GPC5: variants seen among roughly 807,000 people sequenced by gnomAD.
The protein encoded by GPC5 is glypican-5.
Under a neutral mutation model 53.9 loss-of-function variants are expected in GPC5, and 47 were observed. The ratio of observed to expected loss-of-function variants is 0.87; its 90% CI spans 0.69 to 1.11. The LOEUF (loss-of-function observed/expected upper bound fraction) is 1.11, where lower values mean the gene tolerates loss of function less well. GPC5 is among the 50% of genes most tolerant of loss of function. The pLI is 0.00. For synonymous variants in GPC5, 286 were observed against 263.3 expected, an observed-to-expected ratio of 1.09 and a Z score of -0.84; for missense variants, 748 against 713.1, an observed-to-expected ratio of 1.05 and a Z score of -0.56.
intron 7 of GPC5, among the ~76,000 whole-genome samples, chr13:92,257,170 G>A (rs1012323871): frequency 3.3e-5 from 5 of 152,028 alleles, no homozygotes; most frequent in Admixed American, 6.6e-5. Context: ...GAAAAGAACC[G>A]AATCAAAGTC....
chr13:92,850,662 AG>A (rs1878764754), intron 7 of GPC5, among the ~76,000 whole-genome samples: 2 of 152,164 alleles, frequency 1.3e-5, no homozygotes, highest in Non-Finnish European at 2.9e-5. Context: ...GAGAGGTTAA[AG>A]AAGAAAGGTC....
intron 6 of GPC5, among the ~76,000 whole-genome samples, chr13:91,952,925 AG>A (rs747705324): frequency 1.3e-5 from 2 of 152,180 alleles, no homozygotes; most frequent in African/African-American, 2.4e-5. Context: ...TCTAAATGTC[AG>A]AATTTAGAGG....
intron 2 of GPC5, among the ~76,000 whole-genome samples, chr13:91,547,439 A>G (rs2030360867): frequency 6.6e-6 from 1 of 152,090 alleles, no homozygotes; most frequent in South Asian, 2.1e-4. Flanking sequence ...GACACATGAT[A>G]TTTATATGAA....
chr13:91,713,063 C>A (rs894087590), intron 3 of GPC5, among the ~76,000 whole-genome samples: 8 of 152,036 alleles, frequency 5.3e-5, no homozygotes, highest in African/African-American at 1.9e-4. Context: ...TGGAGGTGCA[C>A]ACCTATAATC....
chr13:92,276,742 A>G (rs1330134787), intron 7 of GPC5, among the ~76,000 whole-genome samples: 1 of 152,104 alleles, frequency 6.6e-6, no homozygotes, highest in Admixed American at 6.6e-5. Context: ...TTACTATACA[A>G]TATCCTAAGA....
chr13:92,341,104 C>G (rs1409938330), intron 7 of GPC5, among the ~76,000 whole-genome samples: 1 of 151,984 alleles, frequency 6.6e-6, no homozygotes, highest in Non-Finnish European at 1.5e-5. Flanking sequence ...ATTTTAGTTT[C>G]AGGAAAGTTT....
At chr13:92,321,731 G>C (rs561010979) in intron 7 of GPC5, among the ~76,000 whole-genome samples, 1 of 151,876 alleles carries the variant, frequency 6.6e-6, no homozygotes, top group Non-Finnish European at 1.5e-5. Context: ...TAAAAGTTAC[G>C]GTATACTGAT....
In GPC5 at chr13:92,183,263, T is replaced by C. The variant is rs375343311; in HGVS notation, c.1561+38274T>C. On this transcript the variant is annotated intron_variant, in intron 7 of 7. Transcript: ENST00000377067. ...AACCAAGAATGCCTGGCCAGTGTGG[T>C]AATAAGCTCTTACGAAGTATAAGCT... Among the ~76,000 whole-genome samples the C allele has an allele frequency of 1.3e-4, 20 of 152,326 alleles. No homozygotes were observed. The East Asian group carries it at 3.3e-3, about 25-fold the overall frequency.
chr13:92,475,780 C>T (rs574732490), intron 7 of GPC5, among the ~76,000 whole-genome samples: 2 of 152,240 alleles, frequency 1.3e-5, no homozygotes, highest in South Asian at 4.1e-4. Context: ...CTGAGAAACA[C>T]AAGCAATGGG....
At chr13:91,975,007 C>A (rs919471921) in intron 6 of GPC5, among the ~76,000 whole-genome samples, 3 of 152,150 alleles carry the variant, frequency 2.0e-5, no homozygotes, top group African/African-American at 7.2e-5. Context: ...CTGACAAAAA[C>A]AAGCAATGGG....
At chr13:92,725,629 T>C (rs1347780317) in intron 7 of GPC5, among the ~76,000 whole-genome samples, 1 of 151,588 alleles carries the variant, frequency 6.6e-6, no homozygotes, top group African/African-American at 2.4e-5. Context: ...AATGCAACTA[T>C]ATAAACAATG....
At chr13:92,619,738 G>A (rs932909544) in intron 7 of GPC5, among the ~76,000 whole-genome samples, 4 of 152,052 alleles carry the variant, frequency 2.6e-5, no homozygotes, top group African/African-American at 9.6e-5. Flanking sequence ...GACCAGGGTT[G>A]GTTGGTAGTC....
At chr13:92,849,749 A>T (rs754402082) in intron 7 of GPC5, among the ~76,000 whole-genome samples, 1 of 152,238 alleles carries the variant, frequency 6.6e-6, no homozygotes, top group Non-Finnish European at 1.5e-5. Flanking sequence ...AGGGCCAAAA[A>T]TATTTAAAGG....
intron 2 of GPC5, among the ~76,000 whole-genome samples, chr13:91,664,747 A>G (rs2035067711): frequency 2.0e-5 from 3 of 152,212 alleles, no homozygotes; most frequent in Admixed American, 2.0e-4. Flanking sequence ...ACTATTTAGT[A>G]CTTTTCATTT....
At chr13:91,820,298 G>A (rs2038471111) in intron 5 of GPC5, among the ~76,000 whole-genome samples, 1 of 151,930 alleles carries the variant, frequency 6.6e-6, no homozygotes, top group Non-Finnish European at 1.5e-5. Flanking sequence ...TTAAAATTTA[G>A]TCTTTACCCT....
At chr13:92,097,522 GATTAAGTGTGTTACTCATAGACGT>G (rs1334410018) in intron 6 of GPC5, among the ~76,000 whole-genome samples, 1 of 152,166 alleles carries the variant, frequency 6.6e-6, no homozygotes, top group Non-Finnish European at 1.5e-5. Context: ...TATATGAAGG[GATTAAGTGTGTTACTCATAGACGT>G]CTTACATCAT....
At chr13:92,400,752 C>A (rs1875520149) in intron 7 of GPC5, among the ~76,000 whole-genome samples, 1 of 152,160 alleles carries the variant, frequency 6.6e-6, no homozygotes, top group Admixed American at 6.5e-5. Flanking sequence ...TCAGAAATAT[C>A]TTTTATATAA....
chr13:91,497,162 T>C (rs1272049010), intron 2 of GPC5, among the ~76,000 whole-genome samples: 1 of 152,188 alleles, frequency 6.6e-6, no homozygotes, highest in African/African-American at 2.4e-5. Flanking sequence ...TGACCAGTTA[T>C]AATTATACTT....
At chr13:92,621,082 C>A (rs909330730) in intron 7 of GPC5, among the ~76,000 whole-genome samples, 16 of 152,152 alleles carry the variant, frequency 1.1e-4, no homozygotes, top group African/African-American at 3.1e-4. Context: ...ACATCTCTTT[C>A]TCTTGCCTCT....
Sources: allele counts gnomAD v4.1 joint callset (sites outside exome capture counted in the v4.1 genomes callset), GRCh38; gene constraint gnomAD v4.1.1; transcripts MANE v1.5; gene names NCBI Gene and HGNC (gene_info 2026-07-23, HGNC 2026-07-21).